PCDH15: variants seen among roughly 807,000 people sequenced by gnomAD.
PCDH15 encodes protocadherin related 15.
In PCDH15, 129 loss-of-function variants were observed where a neutral mutation model predicts 178.5. The observed-to-expected ratio is 0.72, with a 90% CI of 0.63 to 0.84. The LOEUF (loss-of-function observed/expected upper bound fraction) is 0.84, where lower values mean the gene tolerates loss of function less well. PCDH15 is among the 40% of genes least tolerant of loss of function. The pLI, the probability that PCDH15 is intolerant of heterozygous loss-of-function variation, is 0.00. For synonymous variants in PCDH15, 800 were observed against 732.0 expected, an observed-to-expected ratio of 1.09 and a Z score of -1.50; for missense variants, 2,230 against 2,099.9, an observed-to-expected ratio of 1.06 and a Z score of -1.21.
Position 55,194,964 on chromosome 10 carries a change from A to G in PCDH15, c.-155-28313T>C, listed in dbSNP as rs539551136. ...CCTTTTAACTTACTGAATTTCAGTC[A>G]TTCGCTCTGCTTTGCCTAGCAGTAG... On this transcript the variant is annotated intron_variant, in intron 1 of 5. Transcript: ENST00000458638. Among the ~76,000 whole-genome samples, 6 of 152,116 alleles carry G rather than the reference A, an allele frequency of 3.9e-5. No individual in the cohort carries two copies. In the East Asian group the frequency reaches 1.2e-3, roughly 30 times the overall value.
rs146408555 is a variant in PCDH15, at chr10:55,412,003, A to T, written c.-156+215622T>A. Among the ~76,000 whole-genome samples the T allele has an allele frequency of 6.6e-3, 1,002 of 152,206 alleles. 10 individuals are homozygous for T. The highest frequency in any genetic ancestry group is 0.023 in the African/African-American group (964 of 41,562). ...GATTGGCTATTTAGAAATATAGAAA[A>T]CATTTTACAATCTGCGATGTTTGAG... On this transcript the variant is annotated intron_variant, in intron 2 of 5. Coordinates refer to the PCDH15 transcript ENST00000613346.
At chr10:54,497,865 A>T (rs1488480570) in intron 3 of PCDH15, among the ~76,000 whole-genome samples, 2 of 152,110 alleles carry the variant, frequency 1.3e-5, no homozygotes, top group Non-Finnish European at 2.9e-5. Context: ...GGAGAGCAAA[A>T]AATTTGGAAA....
At chr10:53,935,779 T>C (rs994962356) in intron 25 of PCDH15, among the ~76,000 whole-genome samples, 18 of 152,244 alleles carry the variant, frequency 1.2e-4, no homozygotes, top group South Asian at 1.0e-3. Flanking sequence ...GTTTTTCCTA[T>C]AGTTGGTGGA....
intron 28 of PCDH15, among the ~76,000 whole-genome samples, chr10:53,856,783 C>T (rs2078773158): frequency 1.3e-5 from 2 of 152,088 alleles, no homozygotes; most frequent in South Asian, 2.1e-4. Flanking sequence ...ATTATTAAAA[C>T]ACTCTTAAAC....
At chr10:55,215,162 T>A (rs1341446574) in intron 1 of PCDH15, among the ~76,000 whole-genome samples, 2 of 152,086 alleles carry the variant, frequency 1.3e-5, no homozygotes. Flanking sequence ...AGCATCTAAG[T>A]AAGACAAATA....
chr10:54,679,907 C>A (rs1000593126), intron 1 of PCDH15, among the ~76,000 whole-genome samples: 13 of 152,006 alleles, frequency 8.6e-5, no homozygotes, highest in African/African-American at 3.1e-4. Flanking sequence ...AATTTTAATT[C>A]TTGAGAGTGT....
intron 2 of PCDH15, among the ~76,000 whole-genome samples, chr10:55,473,326 G>T (rs558592119): frequency 4.4e-4 from 67 of 151,064 alleles, no homozygotes; most frequent in African/African-American, 1.4e-3. Flanking sequence ...AACATAAATA[G>T]GGTATATAAA....
At chr10:54,853,316 T>TATATACACATATAC in intron 3 of PCDH15, among the ~76,000 whole-genome samples, 1 of 115,130 alleles carries the variant, frequency 8.7e-6, no homozygotes, top group African/African-American at 3.6e-5. Context: ...TATATATATA[T>TATATACACATATAC]ATACATACAC....
At chr10:54,717,624 A>AG (rs1436629479) in intron 1 of PCDH15, among the ~76,000 whole-genome samples, 3 of 132,138 alleles carry the variant, frequency 2.3e-5, no homozygotes. Context: ...GGTGCTGGAG[A>AG]GGATGTGGAG....
intron 1 of PCDH15, among the ~76,000 whole-genome samples, chr10:55,194,011 A>T (rs961322025): frequency 6.6e-6 from 1 of 152,058 alleles, no homozygotes; most frequent in African/African-American, 2.4e-5. Flanking sequence ...TGCACCAAGT[A>T]CAGTGCTAAG....
intron 1 of PCDH15, among the ~76,000 whole-genome samples, chr10:55,186,140 TAA>T (rs1253266530): frequency 6.6e-6 from 1 of 151,530 alleles, no homozygotes; most frequent in African/African-American, 2.4e-5. Flanking sequence ...TTAAAATTTA[TAA>T]GACTATATTG....
intron 3 of PCDH15, among the ~76,000 whole-genome samples, chr10:54,392,202 C>T (rs1275651243): frequency 6.6e-6 from 1 of 152,034 alleles, no homozygotes; most frequent in Non-Finnish European, 1.5e-5. Context: ...TGGCGGCTTA[C>T]ACCTGTAATC....
At chr10:54,484,354 AC>A (rs1472240250) in intron 3 of PCDH15, among the ~76,000 whole-genome samples, 6 of 151,872 alleles carry the variant, frequency 4.0e-5, no homozygotes, top group African/African-American at 1.5e-4. Flanking sequence ...TCACTCAAAC[AC>A]CTAATAATGC....
intron 2 of PCDH15, among the ~76,000 whole-genome samples, chr10:55,347,936 A>C (rs1844806215): frequency 6.6e-6 from 1 of 151,966 alleles, no homozygotes; most frequent in African/African-American, 2.4e-5. Context: ...TAATATTATA[A>C]TTTCTTATAT....
chr10:54,586,407 A>T (rs1214009265), intron 2 of PCDH15, among the ~76,000 whole-genome samples: 4 of 152,172 alleles, frequency 2.6e-5, no homozygotes, highest in African/African-American at 9.7e-5. Context: ...TAATAATTCA[A>T]TAATAATCCA....
chr10:54,361,764 G>T (rs909208462), intron 5 of PCDH15, among the ~76,000 whole-genome samples: 6 of 151,844 alleles, frequency 4.0e-5, no homozygotes, highest in Non-Finnish European at 7.4e-5. Flanking sequence ...CATATTAATG[G>T]TCTTACACTC....
chr10:53,920,344 C>T (rs2083892467), intron 25 of PCDH15, among the ~76,000 whole-genome samples: 1 of 151,700 alleles, frequency 6.6e-6, no homozygotes, highest in Non-Finnish European at 1.5e-5. Flanking sequence ...ACATTTGCAT[C>T]TTTTAATAAA....
chr10:54,671,531 G>T (rs1265379358), intron 1 of PCDH15, among the ~76,000 whole-genome samples: 1 of 152,104 alleles, frequency 6.6e-6, no homozygotes, highest in Non-Finnish European at 1.5e-5. Context: ...GGGTAAACTA[G>T]TTAAAACTTG....
intron 26 of PCDH15, among the ~76,000 whole-genome samples, chr10:53,891,781 T>C (rs1484803767): frequency 7.0e-6 from 1 of 143,560 alleles, no homozygotes; most frequent in Non-Finnish European, 1.5e-5. Context: ...GGTGAAACCC[T>C]GTCTTTACTA....
Sources: gnomAD v4.1 joint callset for allele counts (sites outside exome capture counted in the v4.1 genomes callset) on GRCh38, gnomAD v4.1.1 for gene constraint, MANE v1.5 for transcripts, NCBI Gene and HGNC (gene_info 2026-07-23, HGNC 2026-07-21) for gene names.